The following EYS variants were observed in gnomAD, a reference collection of about 807,000 sequenced individuals.
EYS encodes protein eyes shut homolog.
Under a neutral mutation model 282.1 loss-of-function variants are expected in EYS, and 250 were observed. The observed-to-expected ratio is 0.89, with a 90% CI of 0.80 to 0.98. The LOEUF is 0.98. Among genes scored for constraint, EYS ranks in the 50% least tolerant of loss-of-function variants. The probability of loss-of-function intolerance (pLI) is 0.00; values close to 1 mark genes in which losing one functional copy is unlikely to be tolerated. For synonymous variants in EYS, 1,355 were observed against 1,282.9 expected (o/e 1.06, Z -1.20); for missense variants, 4,016 against 3,709.0 (o/e 1.08, Z -2.15).
chr6:64,435,438 CTT>C (rs71551587), intron 28 of EYS, among the ~76,000 whole-genome samples: 1,562 of 135,176 alleles, frequency 0.012, 17 homozygotes, highest in Middle Eastern at 0.053. Context: ...CTTCTTCTTC[CTT>C]TTTTTTTTTT....
intron 41 of EYS, among the ~76,000 whole-genome samples, chr6:63,759,664 GA>G (rs896910505): frequency 2.0e-5 from 3 of 152,040 alleles, no homozygotes; most frequent in African/African-American, 7.2e-5. Flanking sequence ...TGAAAGTAGT[GA>G]AATAAAGCCT....
chr6:64,912,872 A>G (rs1011053038), intron 15 of EYS, 129 bp from the exon 16 acceptor site: 50 of 488,750 alleles, frequency 1.0e-4, no homozygotes, highest in African/African-American at 9.0e-4. Context: ...AATAAATAAT[A>G]CATAGTTTTA....
intron 19 of EYS, among the ~76,000 whole-genome samples, chr6:64,847,000 T>G (rs745745568): frequency 1.7e-5 from 2 of 116,598 alleles, no homozygotes; most frequent in Non-Finnish European, 3.9e-5. Context: ...TAAAGCATAT[T>G]ATCCTCCCCA....
At chr6:65,296,180 T>C in intron 11 of EYS, 61 bp from the exon 12 acceptor site, 1 of 1,373,536 alleles carries the variant, frequency 7.3e-7, no homozygotes, top group Non-Finnish European at 9.8e-7. Context: ...TATATTTAAG[T>C]ATTTAAATCA....
rs141160753 is a variant in EYS, at chr6:65,025,705, C to A, written c.2138-28002G>T. On this transcript the variant is annotated intron_variant, in intron 13 of 42. Transcript: ENST00000503581. ...CTCCAGCCTGGGCAACAGAGTGAGA[C>A]ATCATCTCAAAAAAATAAATAAGAG... is the stretch of plus-strand genomic sequence containing the variant. Among the ~76,000 whole-genome samples the A allele has an allele frequency of 4.8e-3, 730 of 152,154 alleles. 6 individuals carry two copies. The highest frequency in any genetic ancestry group is 0.016 in the African/African-American group (674 of 41,526).
intron 22 of EYS, among the ~76,000 whole-genome samples, chr6:64,693,810 A>G (rs79155187): frequency 0.029 from 4,345 of 152,250 alleles, 129 homozygotes; most frequent in East Asian, 0.14. Context: ...TTAAAAATGG[A>G]AGTTAAAAAA....
chr6:65,007,955 C>T (rs1374897087), intron 13 of EYS, among the ~76,000 whole-genome samples: 1 of 152,158 alleles, frequency 6.6e-6, no homozygotes, highest in Admixed American at 6.5e-5. Flanking sequence ...GAGAGAAGTG[C>T]CACCATAACT....
intron 35 of EYS, among the ~76,000 whole-genome samples, chr6:63,925,543 C>A (rs565409106): frequency 1.3e-5 from 2 of 152,154 alleles, no homozygotes; most frequent in Non-Finnish European, 2.9e-5. Flanking sequence ...GTTGATTTTA[C>A]TTTAAGTTCC....
chr6:65,410,389 C>T (rs528635746), intron 5 of EYS, among the ~76,000 whole-genome samples: 4 of 152,034 alleles, frequency 2.6e-5, no homozygotes, highest in South Asian at 2.1e-4. Flanking sequence ...ATCATTTATT[C>T]GTGGCAAGAA....
At chr6:65,699,022 C>G (rs1225909878) in intron 1 of EYS, among the ~76,000 whole-genome samples, 1 of 152,098 alleles carries the variant, frequency 6.6e-6, no homozygotes, top group African/African-American at 2.4e-5. Flanking sequence ...TCAGCACGAG[C>G]TTTATTTGCT....
At chr6:64,751,687 C>G (rs973785119) in intron 22 of EYS, among the ~76,000 whole-genome samples, 1 of 152,206 alleles carries the variant, frequency 6.6e-6, no homozygotes, top group Non-Finnish European at 1.5e-5. Context: ...TAAACACCAC[C>G]TATTTGTCTG....
rs555530422 is a variant in EYS, at chr6:65,420,171, A to G, written c.863-14804T>C. Among the ~76,000 whole-genome samples, 5 of 152,084 alleles carry G rather than the reference A, an allele frequency of 3.3e-5. No individual in the cohort carries two copies. The South Asian group carries it at 1.0e-3, about 31-fold the overall frequency. On this transcript the variant is annotated intron_variant, in intron 5 of 42. Coordinates refer to ENST00000503581, the MANE Select transcript of EYS (RefSeq NM_001142800.2). ...CATGAAATATTTCTCTGTAGCATGCAATGCCATTTGAGAGCATTTTGCCCA... is the reference window on the plus strand; with the variant it reads ...CATGAAATATTTCTCTGTAGCATGCGATGCCATTTGAGAGCATTTTGCCCA...
chr6:64,303,721 GT>G (rs1457145004), intron 30 of EYS, among the ~76,000 whole-genome samples: 2 of 150,878 alleles, frequency 1.3e-5, no homozygotes, highest in Non-Finnish European at 3.0e-5. Flanking sequence ...CGCGCCTGTA[GT>G]CCCAGCTACA....
chr6:64,501,909 C>T (rs1384895525), intron 26 of EYS, among the ~76,000 whole-genome samples: 2 of 152,068 alleles, frequency 1.3e-5, no homozygotes, highest in Non-Finnish European at 1.5e-5. Context: ...ACCAGACTGT[C>T]AGGGTGCCAG....
intron 30 of EYS, among the ~76,000 whole-genome samples, chr6:64,243,545 G>A (rs919735450): frequency 1.3e-5 from 2 of 152,146 alleles, no homozygotes; most frequent in African/African-American, 4.8e-5. Flanking sequence ...AGGGGAAAAA[G>A]GAAGCATCGA....
chr6:64,010,394 G>T (rs1482564105), intron 33 of EYS, among the ~76,000 whole-genome samples: 24 of 111,060 alleles, frequency 2.2e-4, no homozygotes, highest in African/African-American at 1.5e-3. Flanking sequence ...GTGTTTGGTT[G>T]GGGGGGGGGG....
intron 21 of EYS, among the ~76,000 whole-genome samples, chr6:64,816,076 T>A (rs1764734996): frequency 6.6e-6 from 1 of 152,100 alleles, no homozygotes; most frequent in Non-Finnish European, 1.5e-5. Flanking sequence ...TCACGTTTTA[T>A]TTTTTAGCAT....
intron 12 of EYS, among the ~76,000 whole-genome samples, chr6:65,132,879 A>G (rs1436858306): frequency 6.6e-6 from 1 of 152,034 alleles, no homozygotes; most frequent in African/African-American, 2.4e-5. Context: ...GGATAAAAAA[A>G]CCAACGTACG....
chr6:64,978,659 A>T (rs565475012), intron 14 of EYS, among the ~76,000 whole-genome samples: 34 of 152,068 alleles, frequency 2.2e-4, no homozygotes, highest in African/African-American at 7.9e-4. Context: ...ATCCTTCTGG[A>T]AAAGATTCAC....
Sources: gnomAD v4.1 joint callset for allele counts (sites outside exome capture counted in the v4.1 genomes callset) on GRCh38, gnomAD v4.1.1 for gene constraint, MANE v1.5 for transcripts, NCBI Gene and HGNC (gene_info 2026-07-23, HGNC 2026-07-21) for gene names.